Variants in KCNH1 observed in about 807,000 individuals in gnomAD.
KCNH1 encodes the protein voltage-gated delayed rectifier potassium channel KCNH1.
In KCNH1, 27 loss-of-function variants were observed where a neutral mutation model predicts 69.2. That is an observed-to-expected ratio of 0.39 (90% confidence interval 0.29 to 0.54). The LOEUF (loss-of-function observed/expected upper bound fraction) is 0.54, where lower values mean the gene tolerates loss of function less well. Among genes scored for constraint, KCNH1 ranks in the 20% least tolerant of loss-of-function variants. KCNH1 has a pLI of 0.68. For synonymous variants in KCNH1, 456 were observed against 487.7 expected, an observed-to-expected ratio of 0.93 and a Z score of 0.86; for missense variants, 798 against 1,261.6, an observed-to-expected ratio of 0.63 and a Z score of 5.57.
chr1:211,070,424 AAAAAAAACACAC>A (rs1690618039), intron 5 of KCNH1, among the ~76,000 whole-genome samples: 1 of 110,080 alleles, frequency 9.1e-6, no homozygotes, highest in African/African-American at 3.0e-5. Flanking sequence ...CCTTTAAAAA[AAAAAAAACACAC>A]ACACACACAC....
Position 211,018,851 on chromosome 1 carries a change from T to C in KCNH1, c.964A>G (p.Met322Val). 6.2e-7 allele frequency: 1 copy of C among 1,613,990 alleles called. No homozygotes were observed. The highest frequency in any genetic ancestry group is 8.5e-7 in the Non-Finnish European group (1 of 1,179,926). ...AAACCAATCTTCCCTGGATCACCCA[T>C]AAAGGCACTAACCTCATCCACGTTC... ...FENVDEVSAF[M>V]GDPGKIGFAD... The change falls in exon 6 of 11, where the codon ATG becomes GTG. Residue 322 changes from methionine to valine, a missense_variant. Transcript: ENST00000271751.
At chr1:211,042,519 T>C (rs915299830) in intron 5 of KCNH1, among the ~76,000 whole-genome samples, 1 of 152,144 alleles carries the variant, frequency 6.6e-6, no homozygotes, top group African/African-American at 2.4e-5. Context: ...ACAATAATAG[T>C]GGGGGACTTC....
intron 7 of KCNH1, among the ~76,000 whole-genome samples, chr1:210,830,270 T>C (rs1005044423): frequency 1.3e-5 from 2 of 152,136 alleles, no homozygotes. Context: ...TCACCTCCCA[T>C]GAGAAGCTTC....
intron 10 of KCNH1, among the ~76,000 whole-genome samples, chr1:210,708,615 G>C (rs533857978): frequency 1.3e-5 from 2 of 152,048 alleles, no homozygotes; most frequent in African/African-American, 4.8e-5. Flanking sequence ...CCCACCAAAG[G>C]GTAAGGATTA....
At chr1:210,957,841 C>A (rs1688209236) in intron 6 of KCNH1, among the ~76,000 whole-genome samples, 1 of 152,160 alleles carries the variant, frequency 6.6e-6, no homozygotes, top group African/African-American at 2.4e-5. Context: ...GAATACAGCA[C>A]ACTGATGGGT....
At position 211,133,577 on chromosome 1, in the gene KCNH1, C is replaced by G. The variant is rs1352493753; in HGVS notation, c.79+290G>C. On this transcript the variant is annotated intron_variant, in intron 1 of 10. Coordinates refer to ENST00000271751, the MANE Select transcript of KCNH1 (RefSeq NM_172362.3). The surrounding 1 kb of genome is among the most constrained non-coding windows in gnomAD (Gnocchi z 5.4). ...CAGCTTTCCATCACTTTTCCCAGTA[C>G]TTTGCTCAGCAGCTGTCACGCATCC... Among the ~76,000 whole-genome samples, 2 of 152,178 alleles carry G rather than the reference C, an allele frequency of 1.3e-5. No individual in the cohort carries two copies. The highest frequency in any genetic ancestry group is 2.9e-5 in the Non-Finnish European group (2 of 68,020).
intron 5 of KCNH1, among the ~76,000 whole-genome samples, chr1:211,058,430 A>C (rs1690356530): frequency 6.6e-6 from 1 of 152,216 alleles, no homozygotes; most frequent in African/African-American, 2.4e-5. Context: ...AAATAAATAG[A>C]AACAACAAAA....
intron 10 of KCNH1, among the ~76,000 whole-genome samples, chr1:210,771,285 G>T (rs988582957): frequency 6.6e-6 from 1 of 152,132 alleles, no homozygotes. Context: ...CTTTTCTTTT[G>T]TGCCTCCCTC....
intron 5 of KCNH1, among the ~76,000 whole-genome samples, chr1:211,048,130 C>A (rs541287891): frequency 2.6e-5 from 4 of 152,154 alleles, no homozygotes; most frequent in African/African-American, 9.6e-5. Flanking sequence ...AACCACAATG[C>A]GATACTACCT....
At chr1:211,038,334 G>A (rs186119901) in intron 5 of KCNH1, among the ~76,000 whole-genome samples, 1 of 152,226 alleles carries the variant, frequency 6.6e-6, no homozygotes, top group Admixed American at 6.5e-5. Flanking sequence ...ATGTGGCACT[G>A]TAAGTCTAAT....
At chr1:210,805,069 T>A (rs879786464) in intron 7 of KCNH1, among the ~76,000 whole-genome samples, 1 of 152,198 alleles carries the variant, frequency 6.6e-6, no homozygotes, top group Admixed American at 6.5e-5. Context: ...TTGCCCTCCA[T>A]CTGTCACCAC....
At position 210,680,786 on chromosome 1, in the gene KCNH1, C is replaced by G. The variant is rs970650331; in HGVS notation, c.*2495G>C. ...ACCTGTGACCCAAGATGAACAGATTCCTGCCGCAGGAGCTGGCTTCCAGTC... is the reference window on the plus strand; with the variant it reads ...ACCTGTGACCCAAGATGAACAGATTGCTGCCGCAGGAGCTGGCTTCCAGTC... On this transcript the variant is annotated 3_prime_UTR_variant, in exon 11 of 11. Transcript: ENST00000271751. The G allele has an allele frequency of 2.6e-5, 4 of 152,252 alleles. No homozygotes were observed. The highest frequency in any genetic ancestry group is 4.4e-5 in the Non-Finnish European group (3 of 68,064). 9.4% of individuals were successfully genotyped at this position (152,252 alleles called of 1,614,324 possible). A position where few individuals can be genotyped will look rare whatever the true frequency, so the allele number is the denominator to read the frequency against.
chr1:210,765,413 A>C (rs1683609324), intron 10 of KCNH1, among the ~76,000 whole-genome samples: 1 of 152,200 alleles, frequency 6.6e-6, no homozygotes, highest in African/African-American at 2.4e-5. Context: ...TAAAACAAAC[A>C]ACCACAAAAA....
intron 3 of KCNH1, among the ~76,000 whole-genome samples, chr1:211,101,807 C>A (rs2102482079): frequency 6.6e-6 from 1 of 152,312 alleles, no homozygotes; most frequent in Admixed American, 6.5e-5. Context: ...ATTAGAGATT[C>A]ACATTTTAAA....
chr1:211,126,488 T>C (rs901801367), intron 1 of KCNH1, among the ~76,000 whole-genome samples: 2 of 144,100 alleles, frequency 1.4e-5, no homozygotes. Context: ...CCAGCCTGGG[T>C]GACAGAGCGA....
chr1:211,044,367 C>G (rs986711280), intron 5 of KCNH1, among the ~76,000 whole-genome samples: 2 of 151,980 alleles, frequency 1.3e-5, no homozygotes, highest in Non-Finnish European at 2.9e-5. Flanking sequence ...ATTTCATGAC[C>G]AAGAACCAAA....
intron 6 of KCNH1, among the ~76,000 whole-genome samples, chr1:211,000,475 A>C (rs1054198754): frequency 3.3e-5 from 5 of 152,210 alleles, no homozygotes; most frequent in African/African-American, 1.2e-4. Context: ...GGACCTCTTC[A>C]AGGAGAACTA....
chr1:210,880,420 C>T lies in KCNH1; in HGVS notation c.1462+39220G>A, dbSNP rs1686470610. Reference sequence around the variant, plus strand: ...TAAATCCATGCAACAGAATAGAAAGCCCAGAAATAGACATACAAATATAGT... The same window carrying T: ...TAAATCCATGCAACAGAATAGAAAGTCCAGAAATAGACATACAAATATAGT... On this transcript the variant is annotated intron_variant, in intron 7 of 10. Coordinates refer to ENST00000271751, the MANE Select transcript of KCNH1 (RefSeq NM_172362.3). 1.3e-5 allele frequency among the ~76,000 whole-genome samples: 2 copies of T among 152,012 alleles called. 1 individual carries two copies. The highest frequency in any genetic ancestry group is 4.2e-4 in the South Asian group (2 of 4,816).
At chr1:210,693,611 T>C (rs74452739) in intron 10 of KCNH1, among the ~76,000 whole-genome samples, 7 of 150,526 alleles carry the variant, frequency 4.7e-5, no homozygotes, top group Non-Finnish European at 1.0e-4. Flanking sequence ...GAAACAAATA[T>C]GAGCTGCAAA....
Sources: gnomAD v4.1 joint callset for allele counts (sites outside exome capture counted in the v4.1 genomes callset) on GRCh38, gnomAD v4.1.1 for gene constraint, Gnocchi (gnomAD v3.1) non-coding constraint, MANE v1.5 for transcripts, NCBI Gene and HGNC (gene_info 2026-07-23, HGNC 2026-07-21) for gene names.